Variants in PROZ observed in about 807,000 individuals in gnomAD.
PROZ encodes the protein vitamin K-dependent protein Z.
Under a neutral mutation model 34.9 loss-of-function variants are expected in PROZ, and 46 were observed. The observed-to-expected ratio is 1.32, with a 90% CI of 1.04 to 1.69. The LOEUF (loss-of-function observed/expected upper bound fraction) is 1.69, where lower values mean the gene tolerates loss of function less well. Among genes scored for constraint, PROZ ranks in the 40% most tolerant of loss-of-function variants. PROZ has a pLI of 0.00. For synonymous variants in PROZ, 195 were observed against 208.5 expected, an observed-to-expected ratio of 0.94 and a Z score of 0.56; for missense variants, 530 against 520.4, an observed-to-expected ratio of 1.02 and a Z score of -0.18.
intron 6 of PROZ, 99 bp downstream of exon 6, chr13:113,165,219 A>C: frequency 7.8e-7 from 1 of 1,289,340 alleles, no homozygotes; most frequent in Non-Finnish European, 1.1e-6. Flanking sequence ...TGAATCAGGC[A>C]TCCTGACTTT....
chr13:113,164,491 C>CT lies in PROZ; in HGVS notation c.374-10dup, dbSNP rs200128292. 6,689 of 1,463,428 alleles carry CT rather than the reference C, an allele frequency of 4.6e-3. 134 individuals are homozygous for CT. The African/African-American group carries it at 0.12, about 26-fold the overall frequency. 90.7% of individuals were successfully genotyped at this position (1,463,428 alleles called of 1,614,324 possible). On this transcript the variant is annotated intron_variant, in intron 4 of 7. Coordinates refer to ENST00000375547, the MANE Select transcript of PROZ (RefSeq NM_003891.3). Reference sequence around the variant, plus strand: ...ATGACTATTTCCAAGCTAGCATTTCCTTTTTTTTTTTTCCTTTTCAGCTAA... The same window carrying CT: ...ATGACTATTTCCAAGCTAGCATTTCCTTTTTTTTTTTTTCCTTTTCAGCTAA...
At position 113,171,754 on chromosome 13, in the gene PROZ, G is replaced by A. The variant is rs374674654; in HGVS notation, c.852G>A (p.Glu284=). The change falls in exon 8 of 8, where the codon GAG becomes GAA. Residue 284 remains glutamate (E), a synonymous_variant. Coordinates refer to ENST00000375547, the MANE Select transcript of PROZ (RefSeq NM_003891.3). This position sits in a 1 kb window ranked among gnomAD's most constrained non-coding sequence, Gnocchi z 5.1. The part of the protein sequence containing the change: ...PGAGLPVCTP[E]KDFAEHLLIP... The stretch of plus-strand genomic sequence containing the variant: ...CGGGGCTCCCCGTGTGCACCCCTGA[G>A]AAAGACTTCGCTGAGCACCTCCTCA... 2 of 1,612,056 alleles carry A rather than the reference G, an allele frequency of 1.2e-6. No homozygotes were observed. Among genetic ancestry groups the A allele is most frequent in the African/African-American group, 2.7e-5 (2 of 74,924 alleles).
In PROZ at chr13:113,171,025, C is replaced by T. The variant is rs1440083158; in HGVS notation, c.691+495C>T. On this transcript the variant is annotated intron_variant, in intron 7 of 7. Coordinates refer to ENST00000375547, the MANE Select transcript of PROZ (RefSeq NM_003891.3). The surrounding 1 kb of genome is among the most constrained non-coding windows in gnomAD (Gnocchi z 5.1). ...GCAACCTCTGCCTCCTGGGTTCAAG[C>T]GATTCTCATGCCTCAGCCTCCCGAG... Among the ~76,000 whole-genome samples, 1 of 151,922 alleles carries T rather than the reference C, an allele frequency of 6.6e-6. No homozygotes were observed. The highest frequency in any genetic ancestry group is 1.5e-5 in the Non-Finnish European group (1 of 67,988).
Position 113,160,151 on chromosome 13 carries a change from G to T in PROZ, c.208G>T (p.Glu70Ter), listed in dbSNP as rs3024778. The T allele has an allele frequency of 2.5e-6, 4 of 1,614,154 alleles. No homozygotes were observed. The Admixed American group carries it at 5.0e-5, about 20-fold the overall frequency. The stretch of plus-strand genomic sequence containing the variant: ...AATCTGTGTCTATGAAGAAGCAAGA[G>T]AAGTGTTTGAAAATGAAGTAGTCAC... Reference protein sequence around the residue: ...EEICVYEEAREVFENEVVTDE... With the variant: ...EEICVYEEAR Residue 70 changes from glutamate (E) to a stop codon, truncating the protein, a stop_gained, in exon 2 of 8, where the codon GAA (glutamate) becomes TAA (stop). Coordinates refer to ENST00000375547, the MANE Select transcript of PROZ (RefSeq NM_003891.3). LOFTEE classifies it high-confidence loss of function.
intron 2 of PROZ, 144 bp downstream of exon 2, chr13:113,160,321 G>T: frequency 9.0e-7 from 1 of 1,112,310 alleles, no homozygotes; most frequent in Non-Finnish European, 1.4e-6. Flanking sequence ...TTTTACAGAT[G>T]AGGAAACAAT....
rs891234130 is a variant in PROZ at position 113,171,594 on chromosome 13, A to G, written c.692A>G (p.Tyr231Cys). The G allele has an allele frequency of 1.2e-6, 2 of 1,614,118 alleles. No individual in the cohort carries two copies. Among genetic ancestry groups the G allele is most frequent in the Admixed American group, 3.3e-5 (2 of 60,032 alleles). ...AACTGACGATTGTTCATGATTTCAG[A>G]TTTTAACAGAACGAGCCAAGACCCG... Reference protein sequence around the residue: ...LLHRNITVKTYFNRTSQDPLM... With the variant: ...LLHRNITVKTCFNRTSQDPLM... Residue 231 changes from tyrosine (Y) to cysteine (C), a missense_variant and splice_region_variant, in exon 8 of 8, where the codon TAT becomes TGT. Tyr to Cys is a radical substitution (Grantham distance 194). Coordinates refer to ENST00000375547, the MANE Select transcript of PROZ (RefSeq NM_003891.3). This position sits in a 1 kb window ranked among gnomAD's most constrained non-coding sequence, Gnocchi z 5.1.
Position 113,159,973 on chromosome 13 carries a change from C to G in PROZ, c.71-41C>G. On this transcript the variant is annotated intron_variant, in intron 1 of 7. Coordinates refer to ENST00000375547, the MANE Select transcript of PROZ (RefSeq NM_003891.3). The surrounding 1 kb of genome is among the most constrained non-coding windows in gnomAD (Gnocchi z 4.6). ...CCAGGCAGCTCTGGAAAGCAGGGCC[C>G]TCGGTGCTCCCAGTCACCTGCCTTC... The G allele has an allele frequency of 6.2e-7, 1 of 1,611,648 alleles. No individual in the cohort carries two copies. Among genetic ancestry groups the G allele is most frequent in the Non-Finnish European group, 8.5e-7 (1 of 1,178,820 alleles).
chr13:113,164,853 C>T (rs1210866856), intron 5 of PROZ, 200 bp from the exon 6 acceptor site: 1 of 953,924 alleles, frequency 1.0e-6, no homozygotes. Context: ...CCACTCTGAG[C>T]TAAACCATGA....
At chr13:113,165,155 G>A (rs2036888073) in intron 6 of PROZ, 35 bp downstream of exon 6, 1 of 1,578,274 alleles carries the variant, frequency 6.3e-7, no homozygotes, top group Admixed American at 1.7e-5. Context: ...TCAATTTATT[G>A]TTATGACTTT....
chr13:113,170,393 G>C lies in PROZ; in HGVS notation c.574-20G>C. Reference sequence around the variant, plus strand: ...TGCAAATTGTCACCAGCTATTTATTGTCTGTTTTGATTTTTAAAGGTAAAG... The same window carrying C: ...TGCAAATTGTCACCAGCTATTTATTCTCTGTTTTGATTTTTAAAGGTAAAG... On this transcript the variant is annotated intron_variant, in intron 6 of 7. Coordinates refer to ENST00000375547, the MANE Select transcript of PROZ (RefSeq NM_003891.3). 7.0e-7 allele frequency: 1 copy of C among 1,421,882 alleles called. No individual in the cohort carries two copies. Among genetic ancestry groups the C allele is most frequent in the Non-Finnish European group, 9.9e-7 (1 of 1,005,234 alleles). The allele number at this position is 1,421,882 out of a possible 1,614,324, so 88.1% of individuals were successfully genotyped here.
At position 113,172,032 on chromosome 13, in the gene PROZ, G is replaced by C; in HGVS notation, c.1130G>C (p.Gly377Ala). ...GGGGTCCTGGGCTCGCAGCCAGTAG[G>C]AGGGCAGGCTCACATGGTCCTTGTC... ...LTGVLGSQPVGGQAHMVLVTK... is the reference protein window; with the variant it reads ...LTGVLGSQPVAGQAHMVLVTK... Residue 377 changes from glycine to alanine, a missense_variant, in exon 8 of 8, where the codon GGA becomes GCA. Physicochemically the swap from Gly to Ala is moderately conservative, Grantham distance 60. Coordinates refer to ENST00000375547, the MANE Select transcript of PROZ (RefSeq NM_003891.3). 1.2e-6 allele frequency: 2 copies of C among 1,613,156 alleles called. No homozygotes were observed. The highest frequency in any genetic ancestry group is 1.7e-6 in the Non-Finnish European group (2 of 1,180,028).
chr13:113,170,561 C>A, intron 7 of PROZ, 31 bp downstream of exon 7: 2 of 1,317,398 alleles, frequency 1.5e-6, no homozygotes, highest in Non-Finnish European at 2.2e-6. Context: ...TTTTATAAAA[C>A]CACATTGGAA....
chr13:113,167,236 C>T (rs971275400), intron 6 of PROZ, among the ~76,000 whole-genome samples: 1 of 152,110 alleles, frequency 6.6e-6, no homozygotes, highest in African/African-American at 2.4e-5. Context: ...TGGTTTTATC[C>T]CCTTTAAAGT....
intron 4 of PROZ, among the ~76,000 whole-genome samples, chr13:113,163,513 T>C (rs1033660439): frequency 6.6e-6 from 1 of 152,160 alleles, no homozygotes; most frequent in Non-Finnish European, 1.5e-5. Context: ...TATCCTTAAA[T>C]ACCCGCCAAA....
intron 5 of PROZ, 69 bp downstream of exon 5, chr13:113,164,713 C>G: frequency 6.3e-7 from 1 of 1,596,890 alleles, no homozygotes; most frequent in Non-Finnish European, 8.5e-7. Flanking sequence ...CTCCTTCCTT[C>G]TGTAGTACTG....
At position 113,171,287 on chromosome 13, in the gene PROZ, G is replaced by T. The variant is rs3024769; in HGVS notation, c.692-307G>T. 0.21 allele frequency among the ~76,000 whole-genome samples: 31,177 copies of T among 152,046 alleles called. 4,013 individuals are homozygous for T. The highest frequency in any genetic ancestry group is 0.55 in the East Asian group (2,850 of 5,156). On this transcript the variant is annotated intron_variant, in intron 7 of 7. Coordinates refer to ENST00000375547, the MANE Select transcript of PROZ (RefSeq NM_003891.3). This position sits in a 1 kb window ranked among gnomAD's most constrained non-coding sequence, Gnocchi z 5.1. ...CTTCTCAACAGCCAATGTTTGACTG[G>T]CCTGGAGACGTTCCACATCACTGCT...
At chr13:113,165,314 C>G (rs3024783) in intron 6 of PROZ, 194 bp downstream of exon 6, 8 of 668,138 alleles carry the variant, frequency 1.2e-5, no homozygotes, top group Non-Finnish European at 1.9e-5. Flanking sequence ...TACAAAAGGA[C>G]AGCATTATTT....
Position 113,171,794 on chromosome 13 carries a change from G to A in PROZ, c.892G>A (p.Gly298Ser). 2 of 1,613,424 alleles carry A rather than the reference G, an allele frequency of 1.2e-6. No homozygotes were observed. The highest frequency in any genetic ancestry group is 1.7e-6 in the Non-Finnish European group (2 of 1,179,824). The stretch of plus-strand genomic sequence containing the variant: ...GCACCTCCTCATCCCACGCACCAGG[G>A]GCCTCCTCAGCGGCTGGGCACGCAA... ...AEHLLIPRTR[G>S]LLSGWARNGT... is the part of the protein sequence containing the mutation. The change falls in exon 8 of 8, where the codon GGC becomes AGC. Residue 298 changes from glycine to serine, a missense_variant. By Grantham distance (56) the Gly-to-Ser change is moderately conservative. Coordinates refer to ENST00000375547, the MANE Select transcript of PROZ (RefSeq NM_003891.3). The surrounding 1 kb of genome is among the most constrained non-coding windows in gnomAD (Gnocchi z 5.1).
At chr13:113,168,433 C>G (rs2037011523) in intron 6 of PROZ, among the ~76,000 whole-genome samples, 1 of 152,224 alleles carries the variant, frequency 6.6e-6, no homozygotes, top group Non-Finnish European at 1.5e-5. Flanking sequence ...GGCGCAGAGC[C>G]CCAGGCTGGC....
Sources: allele counts gnomAD v4.1 joint callset (sites outside exome capture counted in the v4.1 genomes callset), GRCh38; gene constraint gnomAD v4.1.1; non-coding constraint Gnocchi (gnomAD v3.1); transcripts MANE v1.5; gene names NCBI Gene and HGNC (gene_info 2026-07-23, HGNC 2026-07-21).